Variants in SMAD2 observed in about 807,000 individuals in gnomAD.
SMAD2 encodes the protein SMAD family member 2.
SMAD2 carries 8 observed loss-of-function variants against 64.4 expected under a neutral mutation model. That is an observed-to-expected ratio of 0.12 (90% CI 0.07 to 0.22). SMAD2 has a LOEUF of 0.22. SMAD2 is among the 10% of genes least tolerant of loss of function. The pLI is 1.00. For missense variants in SMAD2, 289 were observed against 561.2 expected (o/e 0.51, Z 4.90); for synonymous variants, 203 against 195.8 (o/e 1.04, Z -0.31).
At chr18:47,907,917 G>A (rs2033970329) in intron 1 of SMAD2, among the ~76,000 whole-genome samples, 2 of 152,196 alleles carry the variant, frequency 1.3e-5, no homozygotes, top group Non-Finnish European at 2.9e-5. Context: ...CACCCTGGGC[G>A]AGAGAGTGAG....
At chr18:47,848,957 T>G (rs1386140390) in intron 7 of SMAD2, among the ~76,000 whole-genome samples, 6 of 152,164 alleles carry the variant, frequency 3.9e-5, no homozygotes, top group Non-Finnish European at 7.3e-5. Flanking sequence ...ATTCTTTGTT[T>G]TACCAGTAGT....
chr18:47,917,997 A>G (rs2034402458), intron 1 of SMAD2, among the ~76,000 whole-genome samples: 1 of 152,234 alleles, frequency 6.6e-6, no homozygotes, highest in Admixed American at 6.5e-5. Context: ...GCTGTAGGAA[A>G]AGCTGAAAAC....
In SMAD2 at chr18:47,818,588, G is replaced by A. The variant is rs747786195; in HGVS notation, c.*23239C>T. The A allele has an allele frequency of 6.6e-6, 1 of 152,126 alleles. No homozygotes were observed. Among genetic ancestry groups the A allele is most frequent in the Non-Finnish European group, 1.5e-5 (1 of 68,012 alleles). 9.4% of individuals were successfully genotyped at this position (152,126 alleles called of 1,614,324 possible). A position where few individuals can be genotyped will look rare whatever the true frequency, so the allele number is the denominator to read the frequency against. ...AATGCTTCCCTGCCTGCACTGACTA[G>A]TCAAAAAAACCAGAATGGCAAACAA... On this transcript the variant is annotated 3_prime_UTR_variant, in exon 11 of 11. Coordinates refer to ENST00000262160, the MANE Select transcript of SMAD2 (RefSeq NM_005901.6).
At chr18:47,926,812 A>C (rs1379132431) in intron 1 of SMAD2, among the ~76,000 whole-genome samples, 1 of 152,202 alleles carries the variant, frequency 6.6e-6, no homozygotes, top group Non-Finnish European at 1.5e-5. Context: ...ACCCACAACT[A>C]CAAGAGAGGA....
chr18:47,912,124 T>C (rs1221425708), intron 1 of SMAD2: 2 of 152,188 alleles, frequency 1.3e-5, no homozygotes, highest in South Asian at 2.1e-4. Flanking sequence ...GCATGTTTTC[T>C]AAAGACAGGA....
chr18:47,837,720 T>G lies in SMAD2; in HGVS notation c.*4107A>C. On this transcript the variant is annotated 3_prime_UTR_variant, in exon 11 of 11. Coordinates refer to ENST00000262160, the MANE Select transcript of SMAD2 (RefSeq NM_005901.6). ...AAAGCATATGAAAGGAAGAAATGTTTGATATGTCTAAGTATCAATGCCTTC... is the reference window on the plus strand; with the variant it reads ...AAAGCATATGAAAGGAAGAAATGTTGGATATGTCTAAGTATCAATGCCTTC... 4.3e-6 allele frequency: 1 copy of G among 233,096 alleles called. No homozygotes were observed. The highest frequency in any genetic ancestry group is 8.5e-6 in the Non-Finnish European group (1 of 117,878). 14.4% of individuals were successfully genotyped at this position (233,096 alleles called of 1,614,324 possible).
In SMAD2 at chr18:47,814,061, A is replaced by T. The variant is rs1912291538; in HGVS notation, c.*27766T>A. On this transcript the variant is annotated 3_prime_UTR_variant, in exon 11 of 11. Transcript: ENST00000262160. The stretch of plus-strand genomic sequence containing the variant: ...TTTATATCAGGGCATCAAGAGAAGG[A>T]TATTCAAGGTACTTAGGACCAGAAC... 1 of 152,186 alleles carries T rather than the reference A, an allele frequency of 6.6e-6. No homozygotes were observed. The highest frequency in any genetic ancestry group is 1.5e-5 in the Non-Finnish European group (1 of 68,040). 9.4% of individuals were successfully genotyped at this position (152,186 alleles called of 1,614,324 possible). A position where few individuals can be genotyped will look rare whatever the true frequency, so the allele number is the denominator to read the frequency against.
chr18:47,870,704 C>T, intron 2 of SMAD2, 140 bp from the exon 3 acceptor site: 2 of 718,016 alleles, frequency 2.8e-6, no homozygotes, highest in Middle Eastern at 2.8e-4. Flanking sequence ...TTTTCACAGG[C>T]ATGTAGTGCT....
intron 6 of SMAD2, among the ~76,000 whole-genome samples, chr18:47,856,814 A>G (rs2030727129): frequency 6.6e-6 from 1 of 151,072 alleles, no homozygotes; most frequent in Admixed American, 6.6e-5. Context: ...ATGCAATTAC[A>G]TATAATGCTT....
chr18:47,891,562 A>G (rs1386226978), intron 2 of SMAD2, among the ~76,000 whole-genome samples: 1 of 150,660 alleles, frequency 6.6e-6, no homozygotes, highest in Admixed American at 6.6e-5. Flanking sequence ...GTTGCCCGGT[A>G]TGGAGTGCAG....
chr18:47,871,157 T>G (rs2031909685), intron 2 of SMAD2, among the ~76,000 whole-genome samples: 1 of 152,186 alleles, frequency 6.6e-6, no homozygotes, highest in African/African-American at 2.4e-5. Flanking sequence ...CTCCAGAATA[T>G]GGGCAGCTCA....
chr18:47,903,164 G>A (rs374976691), intron 1 of SMAD2, among the ~76,000 whole-genome samples: 1 of 152,146 alleles, frequency 6.6e-6, no homozygotes, highest in Non-Finnish European at 1.5e-5. Flanking sequence ...AGAGAGTCTA[G>A]ACATTGAGCT....
At chr18:47,914,673 C>CTAAA (rs34369236) in intron 1 of SMAD2, among the ~76,000 whole-genome samples, 84,440 of 151,540 alleles carry the variant, frequency 0.56, 23,895 homozygotes, top group East Asian at 0.82. Context: ...CAAATTCCTA[C>CTAAA]TAAAGGTCTG....
Position 47,837,545 on chromosome 18 carries a change from G to A in SMAD2, c.*4282C>T, listed in dbSNP as rs1913529279. On this transcript the variant is annotated 3_prime_UTR_variant, in exon 11 of 11. Transcript: ENST00000262160. Reference sequence around the variant, plus strand: ...CCACTGCACTCCAGGTTGGGCAACAGAGCGAGACTCCCTCTCAAAAAAAAA... The same window carrying A: ...CCACTGCACTCCAGGTTGGGCAACAAAGCGAGACTCCCTCTCAAAAAAAAA... 5.1e-6 allele frequency: 1 copy of A among 197,040 alleles called. No homozygotes were observed. The highest frequency in any genetic ancestry group is 9.3e-6 in the Non-Finnish European group (1 of 107,294). The allele number at this position is 197,040 out of a possible 1,614,324, so 12.2% of individuals were successfully genotyped here.
chr18:47,918,737 G>GCT (rs2034433672), intron 1 of SMAD2, among the ~76,000 whole-genome samples: 1 of 151,426 alleles, frequency 6.6e-6, no homozygotes, highest in Non-Finnish European at 1.5e-5. Context: ...CTCTTGCATA[G>GCT]CTTGACAGCA....
intron 7 of SMAD2, among the ~76,000 whole-genome samples, chr18:47,850,384 A>ATATAATATATATTATATATTATG (rs1915158382): frequency 4.5e-5 from 1 of 22,186 alleles, no homozygotes; most frequent in Non-Finnish European, 6.2e-5. Flanking sequence ...TATATATATT[A>ATATAATATATATTATATATTATG]TATAATATAT....
intron 8 of SMAD2, among the ~76,000 whole-genome samples, chr18:47,847,209 G>A (rs966571876): frequency 2.0e-5 from 3 of 152,172 alleles, no homozygotes; most frequent in Non-Finnish European, 2.9e-5. Flanking sequence ...CACCTACAGC[G>A]ACACTGGGTA....
intron 1 of SMAD2, among the ~76,000 whole-genome samples, chr18:47,917,652 G>C (rs948786959): frequency 6.6e-6 from 1 of 151,924 alleles, no homozygotes; most frequent in Non-Finnish European, 1.5e-5. Context: ...AGAGTTATTG[G>C]TAAAAAAATT....
At chr18:47,922,556 C>T (rs1444934507) in intron 1 of SMAD2, 1 of 152,142 alleles carries the variant, frequency 6.6e-6, no homozygotes, top group East Asian at 1.9e-4. Flanking sequence ...CCATTTTATA[C>T]AAGGGACTTC....
Sources: gnomAD v4.1 joint callset for allele counts (sites outside exome capture counted in the v4.1 genomes callset) on GRCh38, gnomAD v4.1.1 for gene constraint, MANE v1.5 for transcripts, NCBI Gene and HGNC (gene_info 2026-07-23, HGNC 2026-07-21) for gene names.